TAFA5: variants seen among roughly 807,000 people sequenced by gnomAD.
The protein encoded by TAFA5 is TAFA chemokine like family member 5.
A neutral mutation model predicts 15.3 loss-of-function variants in TAFA5; 6 were observed. That is an observed-to-expected ratio of 0.39 (90% CI 0.21 to 0.77). The LOEUF is 0.77. TAFA5 is among the 30% of genes least tolerant of loss of function. The pLI is 0.41. For synonymous variants in TAFA5, 103 were observed against 80.7 expected (o/e 1.28, Z -1.48); for missense variants, 161 against 193.1 (o/e 0.83, Z 0.98).
chr22:48,615,590 A>G (rs1464058771), intron 1 of TAFA5, among the ~76,000 whole-genome samples: 1 of 152,132 alleles, frequency 6.6e-6, no homozygotes, highest in Non-Finnish European at 1.5e-5. Flanking sequence ...TTACAAGGTG[A>G]TTCTCCTGCG....
chr22:48,546,085 G>C (rs899901377), intron 1 of TAFA5, among the ~76,000 whole-genome samples: 7 of 152,288 alleles, frequency 4.6e-5, no homozygotes, highest in Admixed American at 1.3e-4. Context: ...ATCCCATCAC[G>C]GGCACAACTT....
At chr22:48,724,367 G>C (rs1929656160) in intron 3 of TAFA5, among the ~76,000 whole-genome samples, 1 of 152,194 alleles carries the variant, frequency 6.6e-6, no homozygotes, top group Admixed American at 6.5e-5. Context: ...TTGGATGAGT[G>C]GGGGATTGCA....
At chr22:48,590,379 T>G (rs1041646278) in intron 1 of TAFA5, among the ~76,000 whole-genome samples, 6 of 152,370 alleles carry the variant, frequency 3.9e-5, no homozygotes, top group African/African-American at 1.2e-4. Flanking sequence ...TTTTAATAGC[T>G]GTGTATCAGC....
rs916674770 is a variant in TAFA5 at position 48,552,661 on chromosome 22, G to A, written c.112+62957G>A. 1.3e-5 allele frequency among the ~76,000 whole-genome samples: 2 copies of A among 152,186 alleles called. No homozygotes were observed. Among genetic ancestry groups the A allele is most frequent in the Admixed American group, 1.3e-4 (2 of 15,288 alleles). On this transcript the variant is annotated intron_variant, in intron 1 of 3. Transcript: ENST00000402357. This position sits in a 1 kb window ranked among gnomAD's most constrained non-coding sequence, Gnocchi z 4.1. ...GGAGACCCCTTCCAGAGGGGCCCCT[G>A]TAGATTAGCTCAGCTTACTTGATTC... is the stretch of plus-strand genomic sequence containing the variant.
rs1274016922 is a variant in TAFA5 at position 48,560,078 on chromosome 22, C to T, written c.112+70374C>T. 1.3e-5 allele frequency among the ~76,000 whole-genome samples: 2 copies of T among 152,230 alleles called. No individual in the cohort carries two copies. Among genetic ancestry groups the T allele is most frequent in the Admixed American group, 1.3e-4 (2 of 15,286 alleles). ...CTCCATCAGGCAGCTGCCCTGGCCA[C>T]CGATGCCTTCGCAGCATAGGATTTG... On this transcript the variant is annotated intron_variant, in intron 1 of 3. Coordinates refer to ENST00000402357, the MANE Select transcript of TAFA5 (RefSeq NM_001082967.3). This position sits in a 1 kb window ranked among gnomAD's most constrained non-coding sequence, Gnocchi z 4.2.
intron 1 of TAFA5, among the ~76,000 whole-genome samples, chr22:48,499,285 G>T (rs769450975): frequency 6.6e-6 from 1 of 152,130 alleles, no homozygotes; most frequent in Non-Finnish European, 1.5e-5. Flanking sequence ...CGACGGCGGC[G>T]CCCATCAGCC....
intron 3 of TAFA5, among the ~76,000 whole-genome samples, chr22:48,715,132 TG>T (rs1479940220): frequency 6.6e-6 from 1 of 152,212 alleles, no homozygotes; most frequent in Non-Finnish European, 1.5e-5. Context: ...ACATGAACTT[TG>T]GGGGCCCCCC....
intron 3 of TAFA5, among the ~76,000 whole-genome samples, chr22:48,736,028 TCG>T (rs1930007942): frequency 3.4e-5 from 2 of 58,096 alleles, no homozygotes; most frequent in Admixed American, 2.3e-4. Flanking sequence ...GGAATGAGAA[TCG>T]CACTCCTAGG....
At chr22:48,741,316 C>T (rs575523130) in intron 3 of TAFA5, among the ~76,000 whole-genome samples, 9 of 152,272 alleles carry the variant, frequency 5.9e-5, no homozygotes, top group Admixed American at 2.6e-4. Context: ...AAGCTGGAAC[C>T]GTCCTCACCG....
chr22:48,690,482 G>A (rs79945979), intron 2 of TAFA5, among the ~76,000 whole-genome samples: 7,794 of 152,208 alleles, frequency 0.051, 482 homozygotes, highest in East Asian at 0.2. Flanking sequence ...TGCTTGTAGC[G>A]AGATCCCAGG....
At position 48,602,915 on chromosome 22, in the gene TAFA5, G is replaced by T. The variant is rs1220214186; in HGVS notation, c.113-43682G>T. On this transcript the variant is annotated intron_variant, in intron 1 of 3. Coordinates refer to ENST00000402357, the MANE Select transcript of TAFA5 (RefSeq NM_001082967.3). The stretch of plus-strand genomic sequence containing the variant: ...TGGAGGAGCCTCTGCCGATCTATGA[G>T]GCCGATGCCCCTGAGGCCGAGAGGC... 5.3e-5 allele frequency among the ~76,000 whole-genome samples: 8 copies of T among 152,304 alleles called. No individual in the cohort carries two copies. The East Asian group carries it at 1.5e-3, about 29-fold the overall frequency.
intron 1 of TAFA5, among the ~76,000 whole-genome samples, chr22:48,631,382 T>G (rs764538215): frequency 1.3e-5 from 2 of 152,212 alleles, no homozygotes; most frequent in Non-Finnish European, 2.9e-5. Flanking sequence ...CAGCAGGGAC[T>G]GACGTAGACA....
intron 1 of TAFA5, among the ~76,000 whole-genome samples, chr22:48,491,072 G>T (rs1928136012): frequency 6.6e-6 from 1 of 152,178 alleles, no homozygotes; most frequent in Admixed American, 6.5e-5. Flanking sequence ...GGGAGGGGTC[G>T]CCAAGCCTGG....
At chr22:48,544,929 C>T (rs1294794878) in intron 1 of TAFA5, 8 of 467,106 alleles carry the variant, frequency 1.7e-5, no homozygotes, top group Non-Finnish European at 3.1e-5. Context: ...CAAGGCCCTA[C>T]GGGTGTGAAG....
At chr22:48,689,187 G>A (rs1213057183) in intron 2 of TAFA5, among the ~76,000 whole-genome samples, 1 of 152,108 alleles carries the variant, frequency 6.6e-6, no homozygotes, top group Non-Finnish European at 1.5e-5. Context: ...CAGTTAGGGA[G>A]GCGCGGTTTT....
At chr22:48,610,066 A>G (rs893979599) in intron 1 of TAFA5, among the ~76,000 whole-genome samples, 12 of 152,196 alleles carry the variant, frequency 7.9e-5, no homozygotes, top group Non-Finnish European at 1.2e-4. Context: ...TAGGGGGTCA[A>G]AATTGAACCC....
chr22:48,628,911 G>C (rs1926115304), intron 1 of TAFA5, among the ~76,000 whole-genome samples: 1 of 152,206 alleles, frequency 6.6e-6, no homozygotes. Flanking sequence ...GGCTGTGGGT[G>C]GGGGCTGGGA....
At chr22:48,546,871 A>G (rs1922692988) in intron 1 of TAFA5, 2 of 282,764 alleles carry the variant, frequency 7.1e-6, no homozygotes, top group African/African-American at 4.4e-5. Context: ...GGATGGCCAC[A>G]AGCTGTTACT....
At chr22:48,729,288 ATAAT>A (rs58485868) in intron 3 of TAFA5, among the ~76,000 whole-genome samples, 32,171 of 140,394 alleles carry the variant, frequency 0.23, 3,964 homozygotes, top group Admixed American at 0.32. Context: ...TAAATATATA[ATAAT>A]TTTATATTTA....
Sources: allele counts gnomAD v4.1 joint callset (sites outside exome capture counted in the v4.1 genomes callset), GRCh38; gene constraint gnomAD v4.1.1; non-coding constraint Gnocchi (gnomAD v3.1); transcripts MANE v1.5; gene names NCBI Gene and HGNC (gene_info 2026-07-23, HGNC 2026-07-21).